The following PKP4 variants were observed in gnomAD, a reference collection of about 807,000 sequenced individuals.
The protein encoded by PKP4 is plakophilin-4.
A neutral mutation model predicts 145.1 loss-of-function variants in PKP4; 90 were observed. That is an observed-to-expected ratio of 0.62 (90% CI 0.52 to 0.74). The LOEUF (loss-of-function observed/expected upper bound fraction) is 0.74. Ranked by LOEUF, PKP4 falls within the 30% of genes least tolerant of loss-of-function variation. PKP4 has a pLI of 0.00. For synonymous variants in PKP4, 563 were observed against 577.2 expected (o/e 0.98, Z 0.35); for missense variants, 1,340 against 1,482.7 (o/e 0.90, Z 1.58).
rs77989380 is a variant in PKP4 at position 158,670,037 on chromosome 2, G to A, written c.2924+122G>A. The A allele has an allele frequency of 2.1e-5, 16 of 751,636 alleles. No homozygotes were observed. In the East Asian group the frequency reaches 2.2e-4, roughly 10 times the overall value. 46.6% of individuals were successfully genotyped at this position (751,636 alleles called of 1,614,324 possible). ...TTTATTTTTGCATTTCTTACATGCC[G>A]ATAAGCTAAGCAGTCTCCAGCACTT... On this transcript the variant is annotated intron_variant, in intron 17 of 21. Coordinates refer to ENST00000389759, the MANE Select transcript of PKP4 (RefSeq NM_003628.6).
At chr2:158,640,906 T>C (rs2054225579) in intron 10 of PKP4, 147 bp downstream of exon 10, 2 of 833,396 alleles carry the variant, frequency 2.4e-6, no homozygotes, top group African/African-American at 3.4e-5. Context: ...TTCACTTAAC[T>C]ATGCATTTCA....
chr2:158,617,044 CG>C (rs1327086855), intron 4 of PKP4, among the ~76,000 whole-genome samples: 1 of 152,114 alleles, frequency 6.6e-6, no homozygotes, highest in Non-Finnish European at 1.5e-5. Context: ...AGCCCTACAG[CG>C]TTATTGTCCC....
intron 1 of PKP4, among the ~76,000 whole-genome samples, chr2:158,509,498 ATTGAGACATAAGACAATCAAGACTTT>A (rs1428227953): frequency 2.0e-5 from 3 of 152,242 alleles, no homozygotes; most frequent in Admixed American, 6.5e-5. Context: ...GTTTCAGTAT[ATTGAGACATAAGACAATCAAGACTTT>A]TTGAGACATA....
chr2:158,560,779 G>C (rs761704283), intron 2 of PKP4, among the ~76,000 whole-genome samples: 6 of 152,158 alleles, frequency 3.9e-5, no homozygotes, highest in Non-Finnish European at 7.4e-5. Context: ...CTCTGATGTG[G>C]TTGTTACTCC....
At chr2:158,459,205 G>T (rs1192019084) in intron 1 of PKP4, among the ~76,000 whole-genome samples, 1 of 152,170 alleles carries the variant, frequency 6.6e-6, no homozygotes, top group African/African-American at 2.4e-5. Context: ...ATGGAAAATG[G>T]CAACATGAAA....
rs373170229 is a variant in PKP4 at position 158,631,736 on chromosome 2, A to G, written c.1154-17A>G. The stretch of plus-strand genomic sequence containing the variant: ...TGATTGTCTCAGTTCTTAACGATGT[A>G]ATTTTTGTGCCTCTAGGCTTACGGA... On this transcript the variant is annotated splice_polypyrimidine_tract_variant and intron_variant, in intron 7 of 21. Transcript: ENST00000389759. The G allele has an allele frequency of 2.5e-6, 4 of 1,608,174 alleles. No homozygotes were observed. The highest frequency in any genetic ancestry group is 3.4e-6 in the Non-Finnish European group (4 of 1,174,780).
chr2:158,613,247 C>T (rs758701525), intron 4 of PKP4, among the ~76,000 whole-genome samples: 1 of 152,142 alleles, frequency 6.6e-6, no homozygotes, highest in Non-Finnish European at 1.5e-5. Context: ...TATTCTAAAA[C>T]CTAGTCATTA....
Position 158,624,897 on chromosome 2 carries a change from C to T in PKP4, c.623C>T (p.Ala208Val), listed in dbSNP as rs764663391. Residue 208 changes from alanine to valine, a missense_variant, in exon 7 of 22, where the codon GCC (alanine) becomes GTC (valine). By Grantham distance (64) the Ala-to-Val change is moderately conservative. Transcript: ENST00000389759. ...TLVQPSVANRAMRRVSSVPSR... is the reference protein window; with the variant it reads ...TLVQPSVANRVMRRVSSVPSR... ...CATCAGCCATCAGTAGCCAATCGGG[C>T]CATGAGAAGAGTTAGTTCAGTTCCA... 6.3e-7 allele frequency: 1 copy of T among 1,592,532 alleles called. No individual in the cohort carries two copies. Among genetic ancestry groups the T allele is most frequent in the Admixed American group, 1.7e-5 (1 of 58,550 alleles).
chr2:158,517,902 C>T (rs1186461377), intron 1 of PKP4, among the ~76,000 whole-genome samples: 6 of 151,336 alleles, frequency 4.0e-5, no homozygotes, highest in African/African-American at 4.9e-5. Flanking sequence ...GGTGACAGAG[C>T]GAGACCCTGT....
chr2:158,623,580 C>A (rs1219972504), intron 6 of PKP4, among the ~76,000 whole-genome samples: 1 of 152,276 alleles, frequency 6.6e-6, no homozygotes, highest in Non-Finnish European at 1.5e-5. Flanking sequence ...CATGTCTTCT[C>A]CCCTGCTATT....
At chr2:158,488,488 AT>A (rs1458878618) in intron 1 of PKP4, among the ~76,000 whole-genome samples, 1 of 152,136 alleles carries the variant, frequency 6.6e-6, no homozygotes, top group Admixed American at 6.5e-5. Context: ...CTACCTCTAA[AT>A]AATGTGGGGA....
chr2:158,530,418 A>G (rs2043410646), intron 1 of PKP4, among the ~76,000 whole-genome samples: 1 of 151,778 alleles, frequency 6.6e-6, no homozygotes, highest in African/African-American at 2.4e-5. Context: ...GAATGTGATC[A>G]GTCAAATCAA....
intron 1 of PKP4, among the ~76,000 whole-genome samples, chr2:158,499,239 G>T (rs1007583444): frequency 2.0e-5 from 3 of 151,842 alleles, no homozygotes; most frequent in African/African-American, 7.3e-5. Context: ...TAAAAAATGG[G>T]CCCCTTTCAT....
chr2:158,678,435 G>A, intron 20 of PKP4, 146 bp from the exon 21 acceptor site: 2 of 660,222 alleles, frequency 3.0e-6, no homozygotes, highest in Admixed American at 4.8e-5. Context: ...GGGACCCTGA[G>A]CTGCTACCTC....
In PKP4 at chr2:158,678,836, C is replaced by T. The variant is rs911821844; in HGVS notation, c.3330+182C>T. 3.4e-5 allele frequency: 21 copies of T among 620,638 alleles called. 1 individual carries two copies. The highest frequency in any genetic ancestry group is 7.7e-5 in the South Asian group (4 of 52,090). 38.4% of individuals were successfully genotyped at this position (620,638 alleles called of 1,614,324 possible). A position where few individuals can be genotyped will look rare whatever the true frequency, so the allele number is the denominator to read the frequency against. ...GCAAAGCATTTCCACGGTAGCCTCA[C>T]GTTCTTGAGTATCCACATCGGTACT... On this transcript the variant is annotated intron_variant, in intron 21 of 21. Coordinates refer to ENST00000389759, the MANE Select transcript of PKP4 (RefSeq NM_003628.6).
chr2:158,600,867 T>C (rs77763044), intron 3 of PKP4, among the ~76,000 whole-genome samples: 4,669 of 152,276 alleles, frequency 0.031, 202 homozygotes, highest in East Asian at 0.18. Context: ...GGGAATATTA[T>C]TGAGGCTTCC....
intron 16 of PKP4, 196 bp downstream of exon 16, chr2:158,666,759 A>G (rs965162002): frequency 2.2e-5 from 10 of 451,108 alleles, no homozygotes; most frequent in African/African-American, 2.0e-4. Context: ...TTAATTAGTC[A>G]TTGATTAGGG....
chr2:158,567,450 T>G (rs2047083073), intron 2 of PKP4, among the ~76,000 whole-genome samples: 1 of 152,142 alleles, frequency 6.6e-6, no homozygotes, highest in South Asian at 2.1e-4. Flanking sequence ...TTATAAGTAG[T>G]TTTATGGGTT....
intron 1 of PKP4, among the ~76,000 whole-genome samples, chr2:158,495,160 G>A (rs1235256048): frequency 6.6e-6 from 1 of 152,066 alleles, no homozygotes; most frequent in Non-Finnish European, 1.5e-5. Context: ...GGAGGTTGCA[G>A]TGAGCCGAGA....
Sources: allele counts gnomAD v4.1 joint callset (sites outside exome capture counted in the v4.1 genomes callset), GRCh38; gene constraint gnomAD v4.1.1; transcripts MANE v1.5; gene names NCBI Gene and HGNC (gene_info 2026-07-23, HGNC 2026-07-21).